Variants in PTPRE observed in about 807,000 individuals in gnomAD.
PTPRE encodes the protein receptor-type tyrosine-protein phosphatase epsilon.
In PTPRE, 51 loss-of-function variants were observed where a neutral mutation model predicts 102.0. The ratio of observed to expected loss-of-function variants is 0.50; its 90% confidence interval spans 0.40 to 0.63. PTPRE has a LOEUF of 0.63. PTPRE is among the 30% of genes least tolerant of loss of function. The probability of loss-of-function intolerance (pLI) is 0.00; values close to 1 mark genes in which losing one functional copy is unlikely to be tolerated. For synonymous variants in PTPRE, 345 were observed against 348.2 expected, an observed-to-expected ratio of 0.99 and a Z score of 0.10; for missense variants, 752 against 915.1, an observed-to-expected ratio of 0.82 and a Z score of 2.30.
At chr10:128,082,143 T>C (rs1440921778) in intron 20 of PTPRE, among the ~76,000 whole-genome samples, 2 of 151,762 alleles carry the variant, frequency 1.3e-5, no homozygotes, top group Non-Finnish European at 2.9e-5. Flanking sequence ...CTTTTATAGA[T>C]CGCTTTATGA....
intron 6 of PTPRE, among the ~76,000 whole-genome samples, chr10:128,054,278 G>A (rs181729931): frequency 1.3e-4 from 20 of 152,180 alleles, no homozygotes; most frequent in Admixed American, 9.2e-4. Context: ...TGTGTGTTGC[G>A]CATTCTGTGG....
At chr10:127,985,005 A>G (rs1055694271) in intron 2 of PTPRE, among the ~76,000 whole-genome samples, 1 of 152,212 alleles carries the variant, frequency 6.6e-6, no homozygotes, top group Non-Finnish European at 1.5e-5. Flanking sequence ...ATATCTATTA[A>G]TGGAAGGGAA....
At chr10:127,998,785 A>G (rs1853555579) in intron 2 of PTPRE, 1 of 152,156 alleles carries the variant, frequency 6.6e-6, no homozygotes, top group South Asian at 2.1e-4. Context: ...TTCTTTATGA[A>G]GTCGCCGTAT....
intron 2 of PTPRE, among the ~76,000 whole-genome samples, chr10:128,003,715 C>A (rs1292880544): frequency 1.3e-5 from 2 of 152,074 alleles, no homozygotes; most frequent in Non-Finnish European, 2.9e-5. Flanking sequence ...TAAATGTTGC[C>A]GTGCAACTTC....
Position 127,907,709 on chromosome 10 carries a change from C to T in PTPRE, c.-31+400C>T, listed in dbSNP as rs1845581090. Among the ~76,000 whole-genome samples the T allele has an allele frequency of 6.6e-6, 1 of 152,086 alleles. No homozygotes were observed. Among genetic ancestry groups the T allele is most frequent in the African/African-American group, 2.4e-5 (1 of 41,414 alleles). On this transcript the variant is annotated intron_variant, in intron 1 of 20. Transcript: ENST00000254667. This position sits in a 1 kb window ranked among gnomAD's most constrained non-coding sequence, Gnocchi z 4.8. ...GGTGCAGGCCGCGCGTGGGGGGCTG[C>T]GCCCACTCGAGGCTGGAGGCTGGAG...
At chr10:128,026,903 T>C (rs1846327534) in intron 2 of PTPRE, among the ~76,000 whole-genome samples, 1 of 152,284 alleles carries the variant, frequency 6.6e-6, no homozygotes, top group African/African-American at 2.4e-5. Flanking sequence ...CACTTGAAGC[T>C]TGGAAAATGT....
At chr10:127,993,228 G>A (rs1028213059) in intron 2 of PTPRE, among the ~76,000 whole-genome samples, 3 of 152,204 alleles carry the variant, frequency 2.0e-5, no homozygotes, top group African/African-American at 4.8e-5. Context: ...CTAAGACGTG[G>A]TTAGAAGGAA....
At chr10:128,041,579 C>T (rs1382322945) in intron 3 of PTPRE, among the ~76,000 whole-genome samples, 1 of 121,058 alleles carries the variant, frequency 8.3e-6, no homozygotes, top group African/African-American at 3.2e-5. Flanking sequence ...ACCTGGGAGG[C>T]GGAGGTTGCA....
intron 1 of PTPRE, among the ~76,000 whole-genome samples, chr10:127,954,199 G>A (rs1286840147): frequency 6.6e-6 from 1 of 152,178 alleles, no homozygotes; most frequent in Non-Finnish European, 1.5e-5. Flanking sequence ...AGGGATGGAG[G>A]CTGTTCATGG....
intron 5 of PTPRE, among the ~76,000 whole-genome samples, chr10:128,048,361 A>T (rs923749790): frequency 6.6e-6 from 1 of 152,156 alleles, no homozygotes. Flanking sequence ...CTCTCCATAC[A>T]TAGAGATGAG....
intron 2 of PTPRE, among the ~76,000 whole-genome samples, chr10:128,039,574 G>A (rs904188637): frequency 4.6e-5 from 7 of 152,204 alleles, no homozygotes; most frequent in African/African-American, 1.7e-4. Flanking sequence ...CATCTTAATA[G>A]TGGTGATTAC....
At position 128,070,378 on chromosome 10, in the gene PTPRE, G is replaced by A. The variant is rs1434492803; in HGVS notation, c.1221G>A (p.Leu407=). The stretch of plus-strand genomic sequence containing the variant: ...ACACAGAGCTGGACGTGTCCTCCCT[G>A]GAGAAGCACCTGCAGACCATGCACG... ...YGDTELDVSS[L]EKHLQTMHGT... The change falls in exon 14 of 21, where the codon CTG becomes CTA. Residue 407 remains leucine (L), a synonymous_variant. Coordinates refer to ENST00000254667, the MANE Select transcript of PTPRE (RefSeq NM_006504.6). The surrounding 1 kb of genome is among the most constrained non-coding windows in gnomAD (Gnocchi z 4.8). The A allele has an allele frequency of 6.2e-6, 10 of 1,614,056 alleles. No homozygotes were observed. The highest frequency in any genetic ancestry group is 1.3e-5 in the African/African-American group (1 of 74,922).
intron 1 of PTPRE, among the ~76,000 whole-genome samples, chr10:127,974,003 A>G (rs943073384): frequency 6.6e-6 from 1 of 152,220 alleles, no homozygotes; most frequent in Non-Finnish European, 1.5e-5. Flanking sequence ...CTCATTAGTC[A>G]GGAATCCACA....
intron 3 of PTPRE, among the ~76,000 whole-genome samples, chr10:128,044,849 T>A (rs956088089): frequency 3.3e-5 from 5 of 152,142 alleles, no homozygotes; most frequent in East Asian, 1.9e-4. Flanking sequence ...CCACACCATT[T>A]AAAAAAAATG....
At chr10:128,039,880 C>A (rs1280015747) in intron 2 of PTPRE, among the ~76,000 whole-genome samples, 1 of 152,290 alleles carries the variant, frequency 6.6e-6, no homozygotes, top group South Asian at 2.1e-4. Flanking sequence ...TGCCAGTGAG[C>A]CTCTAGTGAG....
intron 2 of PTPRE, among the ~76,000 whole-genome samples, chr10:128,015,971 C>T (rs1046961517): frequency 9.2e-5 from 14 of 152,158 alleles, no homozygotes; most frequent in Non-Finnish European, 2.1e-4. Context: ...ACACGAGCTG[C>T]GTGTTTCCAC....
At chr10:127,919,927 T>G (rs1008196379) in intron 1 of PTPRE, among the ~76,000 whole-genome samples, 2 of 152,196 alleles carry the variant, frequency 1.3e-5, no homozygotes, top group Non-Finnish European at 2.9e-5. Context: ...GGATTTTTTT[T>G]TTTTCCTTTT....
At chr10:127,993,540 G>C (rs549083618) in intron 2 of PTPRE, among the ~76,000 whole-genome samples, 11 of 152,096 alleles carry the variant, frequency 7.2e-5, no homozygotes, top group African/African-American at 2.7e-4. Flanking sequence ...AGCATGCATC[G>C]GGTCTCAGGA....
intron 2 of PTPRE, among the ~76,000 whole-genome samples, chr10:128,010,348 C>T (rs1589994974): frequency 6.6e-6 from 1 of 152,236 alleles, no homozygotes; most frequent in Non-Finnish European, 1.5e-5. Flanking sequence ...CAGAGAATAG[C>T]TTGGCTTGGG....
Sources: allele counts gnomAD v4.1 joint callset (sites outside exome capture counted in the v4.1 genomes callset), GRCh38; gene constraint gnomAD v4.1.1; non-coding constraint Gnocchi (gnomAD v3.1); transcripts MANE v1.5; gene names NCBI Gene and HGNC (gene_info 2026-07-23, HGNC 2026-07-21).